ABCC4: variants seen among roughly 807,000 people sequenced by gnomAD.
The protein encoded by ABCC4 is ATP binding cassette subfamily C member 4 (PEL blood group).
A neutral mutation model predicts 168.5 loss-of-function variants in ABCC4; 102 were observed. The observed-to-expected ratio is 0.61, with a 90% CI of 0.52 to 0.71. The LOEUF is 0.71. ABCC4 is among the 30% of genes least tolerant of loss of function. ABCC4 has a pLI of 0.00. For synonymous variants in ABCC4, 617 were observed against 590.7 expected, an observed-to-expected ratio of 1.04 and a Z score of -0.65; for missense variants, 1,402 against 1,605.8, an observed-to-expected ratio of 0.87 and a Z score of 2.17.
At chr13:95,089,367 C>G (rs1292100136) in intron 20 of ABCC4, among the ~76,000 whole-genome samples, 2 of 152,206 alleles carry the variant, frequency 1.3e-5, no homozygotes, top group Non-Finnish European at 2.9e-5. Flanking sequence ...CACCTGTAAT[C>G]CCAGCACTTT....
At chr13:95,058,593 G>GAAAAGA (rs1555306053) in intron 26 of ABCC4, among the ~76,000 whole-genome samples, 12,664 of 78,958 alleles carry the variant, frequency 0.16, 622 homozygotes, top group South Asian at 0.25. Flanking sequence ...AAAAAAAAAA[G>GAAAAGA]AAAAGAAAAA....
intron 1 of ABCC4, among the ~76,000 whole-genome samples, chr13:95,278,057 C>G (rs115248805): frequency 0.017 from 2,631 of 152,316 alleles, 75 homozygotes; most frequent in African/African-American, 0.06. Flanking sequence ...CCACCGCGGT[C>G]AACCCAGGGA....
chr13:95,122,860 A>G (rs1235580107), intron 19 of ABCC4, among the ~76,000 whole-genome samples: 1 of 152,194 alleles, frequency 6.6e-6, no homozygotes, highest in African/African-American at 2.4e-5. Context: ...TCTACCAAAA[A>G]TACAAAACTT....
At chr13:95,189,323 C>T (rs1047740772) in intron 9 of ABCC4, among the ~76,000 whole-genome samples, 51 of 151,048 alleles carry the variant, frequency 3.4e-4, no homozygotes, top group African/African-American at 1.2e-3. Context: ...TTAGTAGAGA[C>T]GGGGTTTCAC....
intron 4 of ABCC4, among the ~76,000 whole-genome samples, chr13:95,225,579 G>T (rs1325444729): frequency 6.6e-6 from 1 of 152,002 alleles, no homozygotes; most frequent in African/African-American, 2.4e-5. Context: ...CTGAGGCAGG[G>T]TAATTGCTTG....
At chr13:95,207,219 G>A (rs2038808657) in intron 7 of ABCC4, among the ~76,000 whole-genome samples, 1 of 152,076 alleles carries the variant, frequency 6.6e-6, no homozygotes, top group South Asian at 2.1e-4. Context: ...GTAGAGACAG[G>A]GTTTCACCAT....
chr13:95,190,967 C>T (rs895422217), intron 9 of ABCC4, among the ~76,000 whole-genome samples: 2 of 152,184 alleles, frequency 1.3e-5, no homozygotes, highest in Admixed American at 6.5e-5. Context: ...AATGCAGCCT[C>T]CTCAACTCTA....
intron 26 of ABCC4, among the ~76,000 whole-genome samples, chr13:95,062,046 C>G (rs150038895): frequency 1.3e-5 from 2 of 152,224 alleles, no homozygotes; most frequent in East Asian, 3.9e-4. Flanking sequence ...AACCCTCCAC[C>G]ATCAGAGCAA....
At chr13:95,270,031 A>T (rs2040805075) in intron 1 of ABCC4, among the ~76,000 whole-genome samples, 1 of 152,162 alleles carries the variant, frequency 6.6e-6, no homozygotes, top group Non-Finnish European at 1.5e-5. Flanking sequence ...CTACTTTTGT[A>T]CATGTTTGTA....
At chr13:95,095,135 C>T (rs2034549790) in intron 20 of ABCC4, among the ~76,000 whole-genome samples, 1 of 152,164 alleles carries the variant, frequency 6.6e-6, no homozygotes, top group Admixed American at 6.5e-5. Flanking sequence ...CCAGCAATCC[C>T]ACTACTGGCT....
At chr13:95,217,937 G>C (rs571783939) in intron 4 of ABCC4, among the ~76,000 whole-genome samples, 1 of 152,054 alleles carries the variant, frequency 6.6e-6, no homozygotes, top group South Asian at 2.1e-4. Context: ...CAGGCTATCA[G>C]GTATCTCTTT....
chr13:95,274,308 G>C (rs1410490605), intron 1 of ABCC4, among the ~76,000 whole-genome samples: 8 of 152,134 alleles, frequency 5.3e-5, no homozygotes, highest in African/African-American at 7.2e-5. Flanking sequence ...GCTGGGGAGA[G>C]ACTGTCCTTC....
chr13:95,119,432 C>G (rs116022536), intron 19 of ABCC4, among the ~76,000 whole-genome samples: 307 of 152,210 alleles, frequency 2.0e-3, no homozygotes, highest in African/African-American at 7.0e-3. Context: ...AAATTTTCCT[C>G]TGAGAGAGAG....
At chr13:95,044,975 A>G (rs2032516529) in intron 27 of ABCC4, among the ~76,000 whole-genome samples, 1 of 152,208 alleles carries the variant, frequency 6.6e-6, no homozygotes, top group Admixed American at 6.5e-5. Context: ...TAAATTTACC[A>G]AAATCACTGA....
In ABCC4 at chr13:95,260,172, C is replaced by A. The variant is rs556010305; in HGVS notation, c.75-12419G>T. ...ACGTGCCATACAGCTTGCTTTGACA[C>A]ACCAAATGGGAAGCACTTGTCTGAC... On this transcript the variant is annotated intron_variant, in intron 1 of 30. Coordinates refer to ENST00000645237, the MANE Select transcript of ABCC4 (RefSeq NM_005845.5). 7.2e-5 allele frequency among the ~76,000 whole-genome samples: 11 copies of A among 152,316 alleles called. No individual in the cohort carries two copies. The South Asian group carries it at 2.3e-3, about 32-fold the overall frequency.
chr13:95,241,531 C>A (rs1395739181), intron 3 of ABCC4, among the ~76,000 whole-genome samples: 2 of 152,072 alleles, frequency 1.3e-5, no homozygotes, highest in Non-Finnish European at 2.9e-5. Flanking sequence ...CCTCCTGCCC[C>A]CCCTGCAGGC....
At chr13:95,158,711 A>G (rs1469728625) in intron 19 of ABCC4, among the ~76,000 whole-genome samples, 1 of 152,152 alleles carries the variant, frequency 6.6e-6, no homozygotes, top group Non-Finnish European at 1.5e-5. Context: ...TTTAACATGT[A>G]TGTTTAAGAG....
At chr13:95,259,989 T>A (rs775757182) in intron 1 of ABCC4, among the ~76,000 whole-genome samples, 80 of 152,214 alleles carry the variant, frequency 5.3e-4, no homozygotes, top group African/African-American at 1.9e-3. Flanking sequence ...CAAAGTGTGA[T>A]CTCTGGACCA....
At chr13:95,139,452 C>T (rs1285747248) in intron 19 of ABCC4, among the ~76,000 whole-genome samples, 1 of 152,174 alleles carries the variant, frequency 6.6e-6, no homozygotes, top group Non-Finnish European at 1.5e-5. Flanking sequence ...GACCCTGTTA[C>T]AGAGAAGCAT....
Sources: gnomAD v4.1 joint callset for allele counts (sites outside exome capture counted in the v4.1 genomes callset) on GRCh38, gnomAD v4.1.1 for gene constraint, MANE v1.5 for transcripts, NCBI Gene and HGNC (gene_info 2026-07-23, HGNC 2026-07-21) for gene names.